Variants in PPP2R2C observed in about 807,000 individuals in gnomAD.
PPP2R2C encodes the protein protein phosphatase 2 regulatory subunit Bgamma, also known as protein phosphatase 2, regulatory subunit B, gamma.
In PPP2R2C, 10 loss-of-function variants were observed where a neutral mutation model predicts 45.3. The ratio of observed to expected loss-of-function variants is 0.22; its 90% CI spans 0.14 to 0.37. PPP2R2C has a LOEUF of 0.37. PPP2R2C is among the 10% of genes least tolerant of loss of function. The probability of loss-of-function intolerance (pLI) is 1.00; values close to 1 mark genes in which losing one functional copy is unlikely to be tolerated. For synonymous variants in PPP2R2C, 257 were observed against 245.4 expected (o/e 1.05, Z -0.44); for missense variants, 308 against 619.7 (o/e 0.50, Z 5.34).
chr4:6,546,140 A>T (rs987253414), intron 1 of PPP2R2C, among the ~76,000 whole-genome samples: 1 of 152,196 alleles, frequency 6.6e-6, no homozygotes, highest in African/African-American at 2.4e-5. Context: ...AGAGCTTTGG[A>T]GACATATCCA....
At chr4:6,562,030 G>T (rs573833221) in intron 1 of PPP2R2C, among the ~76,000 whole-genome samples, 6 of 152,324 alleles carry the variant, frequency 3.9e-5, no homozygotes, top group African/African-American at 7.2e-5. Flanking sequence ...ATTCCCAGGG[G>T]TGAGGACACC....
chr4:6,529,796 G>C (rs565952163), intron 2 of PPP2R2C, among the ~76,000 whole-genome samples: 2 of 152,166 alleles, frequency 1.3e-5, no homozygotes, highest in African/African-American at 4.8e-5. Flanking sequence ...CTCAATAAAT[G>C]TATGTGAAAT....
intron 1 of PPP2R2C, among the ~76,000 whole-genome samples, chr4:6,412,069 C>T (rs1266339517): frequency 6.6e-6 from 1 of 152,228 alleles, no homozygotes; most frequent in African/African-American, 2.4e-5. Flanking sequence ...CTGGGCCCCA[C>T]AGACCCTGGC....
intron 1 of PPP2R2C, among the ~76,000 whole-genome samples, chr4:6,544,369 G>T (rs951075342): frequency 2.6e-5 from 4 of 152,126 alleles, no homozygotes; most frequent in Admixed American, 6.5e-5. Context: ...TAGAGACAGG[G>T]TCTTGCTCTG....
In PPP2R2C at chr4:6,337,108, GTGTGTATATA is replaced by G. The variant is rs1227735475; in HGVS notation, c.791-3387_791-3378del. 3.8e-3 allele frequency among the ~76,000 whole-genome samples: 127 copies of G among 33,244 alleles called. 13 individuals carry two copies. Among genetic ancestry groups the G allele is most frequent in the Admixed American group, 0.031 (81 of 2,644 alleles). The allele number at this position is 33,244 out of a possible 152,430, so 21.8% of individuals were successfully genotyped here. A position where few individuals can be genotyped will look rare whatever the true frequency, so the allele number is the denominator to read the frequency against. ...TTGGCATCTTTGTTTCTGTATGTGT[GTGTGTATATA>G]TATATATATATATATATATATATAT... On this transcript the variant is annotated intron_variant, in intron 6 of 8. Coordinates refer to ENST00000382599, the MANE Select transcript of PPP2R2C (RefSeq NM_020416.4).
upstream of PPP2R2C, among the ~76,000 whole-genome samples, chr4:6,476,676 T>A (rs1722155484): frequency 6.6e-6 from 1 of 152,212 alleles, no homozygotes; most frequent in Non-Finnish European, 1.5e-5. Flanking sequence ...ACCCCAAAGA[T>A]AACCCCCATC....
Position 6,332,790 on chromosome 4 carries a change from G to C in PPP2R2C, c.960+772C>G, listed in dbSNP as rs1334861333. Reference sequence around the variant, plus strand: ...GCACCCCATGTGTGAGGAGTGACACGGTGAGGAACCGGCTGGGGTTTCTGG... The same window carrying C: ...GCACCCCATGTGTGAGGAGTGACACCGTGAGGAACCGGCTGGGGTTTCTGG... On this transcript the variant is annotated intron_variant, in intron 7 of 8. Coordinates refer to ENST00000382599, the MANE Select transcript of PPP2R2C (RefSeq NM_020416.4). The surrounding 1 kb of genome is among the most constrained non-coding windows in gnomAD (Gnocchi z 4.9). 2.6e-5 allele frequency among the ~76,000 whole-genome samples: 4 copies of C among 152,114 alleles called. No homozygotes were observed. Among genetic ancestry groups the C allele is most frequent in the African/African-American group, 9.7e-5 (4 of 41,406 alleles).
chr4:6,391,079 T>A (rs1716598170), intron 1 of PPP2R2C, among the ~76,000 whole-genome samples: 1 of 151,984 alleles, frequency 6.6e-6, no homozygotes, highest in South Asian at 2.1e-4. Flanking sequence ...GGTGGGAGTA[T>A]TTTTGGGGGG....
chr4:6,343,762 C>G (rs986876612), intron 6 of PPP2R2C, among the ~76,000 whole-genome samples: 1 of 152,090 alleles, frequency 6.6e-6, no homozygotes, highest in Admixed American at 6.5e-5. Context: ...GATTTGCACA[C>G]AAGTTTTCCT....
intron 1 of PPP2R2C, among the ~76,000 whole-genome samples, chr4:6,463,662 G>T (rs1201921074): frequency 1.3e-5 from 2 of 152,216 alleles, no homozygotes; most frequent in African/African-American, 4.8e-5. Flanking sequence ...ACTGTCAGGG[G>T]ACAAGTGTTA....
At chr4:6,480,647 C>T (rs1258219786) in intron 2 of PPP2R2C, among the ~76,000 whole-genome samples, 1 of 152,164 alleles carries the variant, frequency 6.6e-6, no homozygotes, top group Non-Finnish European at 1.5e-5. Context: ...TTCCTCATAG[C>T]CTGCAGTGTA....
chr4:6,382,541 TC>T, intron 1 of PPP2R2C: 1 of 1,348,298 alleles, frequency 7.4e-7, no homozygotes, highest in Non-Finnish European at 9.8e-7. Flanking sequence ...CTCCTCAGCC[TC>T]ATCCTCTGCA....
At chr4:6,463,338 G>GC (rs1164074505) in intron 1 of PPP2R2C, among the ~76,000 whole-genome samples, 1 of 151,558 alleles carries the variant, frequency 6.6e-6, no homozygotes, top group Non-Finnish European at 1.5e-5. Flanking sequence ...GCCTCCAGCA[G>GC]CAACAGTCCT....
intron 1 of PPP2R2C, among the ~76,000 whole-genome samples, chr4:6,430,726 A>C (rs980138478): frequency 1.3e-5 from 2 of 152,082 alleles, no homozygotes; most frequent in Non-Finnish European, 2.9e-5. Flanking sequence ...GGAGTTCCAG[A>C]CCAGCCTGGC....
In PPP2R2C at chr4:6,430,580, T is replaced by C. The variant is rs140355371; in HGVS notation, c.70+41580A>G. ...AGGGGAAACATGTTGAAATGTTCAT[T>C]TAGCAGAATCAGGCCAACTTTGTAA... On this transcript the variant is annotated intron_variant, in intron 1 of 8. Coordinates refer to ENST00000382599, the MANE Select transcript of PPP2R2C (RefSeq NM_020416.4). 1.4e-3 allele frequency among the ~76,000 whole-genome samples: 218 copies of C among 152,292 alleles called. 2 individuals carry two copies. The highest frequency in any genetic ancestry group is 5.0e-3 in the African/African-American group (208 of 41,568).
intron 2 of PPP2R2C, among the ~76,000 whole-genome samples, chr4:6,500,924 C>T (rs776830859): frequency 6.6e-6 from 1 of 152,174 alleles, no homozygotes; most frequent in Non-Finnish European, 1.5e-5. Context: ...GCGAAGCCGT[C>T]GCACGGCACA....
At chr4:6,333,848 A>C (rs1323558268) in intron 6 of PPP2R2C, 117 bp from the exon 7 acceptor site, 1 of 1,134,654 alleles carries the variant, frequency 8.8e-7, no homozygotes, top group African/African-American at 1.5e-5. Context: ...TCATTCATTC[A>C]TTCCTCAAAC....
intron 1 of PPP2R2C, among the ~76,000 whole-genome samples, chr4:6,423,065 G>GCA (rs1719079535): frequency 6.6e-6 from 1 of 152,168 alleles, no homozygotes; most frequent in Non-Finnish European, 1.5e-5. Context: ...GCTCCCCGAT[G>GCA]GCTGTGCCCT....
intron 5 of PPP2R2C, among the ~76,000 whole-genome samples, chr4:6,363,729 GCAAGA>G (rs1320323934): frequency 1.3e-5 from 2 of 152,160 alleles, no homozygotes. Context: ...CTAGCAGCTG[GCAAGA>G]CACAAGGTCA....
Sources: allele counts gnomAD v4.1 joint callset (sites outside exome capture counted in the v4.1 genomes callset), GRCh38; gene constraint gnomAD v4.1.1; non-coding constraint Gnocchi (gnomAD v3.1); transcripts MANE v1.5; gene names NCBI Gene and HGNC (gene_info 2026-07-23, HGNC 2026-07-21).